Variants in KAZN observed in about 807,000 individuals in gnomAD.
KAZN encodes kazrin, periplakin interacting protein.
Under a neutral mutation model 87.4 loss-of-function variants are expected in KAZN, and 40 were observed. That is an observed-to-expected ratio of 0.46 (90% CI 0.36 to 0.60). The LOEUF (loss-of-function observed/expected upper bound fraction) is 0.60, where lower values mean the gene tolerates loss of function less well. KAZN is among the 20% of genes least tolerant of loss of function. KAZN has a pLI of 0.00. For synonymous variants in KAZN, 466 were observed against 458.3 expected (o/e 1.02, Z -0.22); for missense variants, 898 against 1,073.9 (o/e 0.84, Z 2.29).
intron 1 of KAZN, among the ~76,000 whole-genome samples, chr1:14,767,642 C>T (rs1399006975): frequency 2.6e-5 from 4 of 152,192 alleles, no homozygotes; most frequent in Non-Finnish European, 4.4e-5. Context: ...AGAGTTTCTT[C>T]GAGCAGCCAG....
intron 1 of KAZN, among the ~76,000 whole-genome samples, chr1:14,863,334 C>T (rs1340673055): frequency 8.5e-5 from 13 of 152,178 alleles, no homozygotes; most frequent in Non-Finnish European, 2.9e-5. Flanking sequence ...CAGACCCCAT[C>T]GGGGCAGCAG....
At chr1:15,105,248 C>T (rs138727593) in intron 13 of KAZN, among the ~76,000 whole-genome samples, 1 of 152,138 alleles carries the variant, frequency 6.6e-6, no homozygotes, top group South Asian at 2.1e-4. Flanking sequence ...GTTTGTTATT[C>T]TTTAGACATT....
intron 2 of KAZN, among the ~76,000 whole-genome samples, chr1:14,568,090 G>C (rs948070933): frequency 1.3e-5 from 2 of 152,238 alleles, no homozygotes; most frequent in African/African-American, 4.8e-5. Context: ...GGGGATTACT[G>C]TGGGTGGGCC....
intron 1 of KAZN, among the ~76,000 whole-genome samples, chr1:14,094,134 G>A (rs973021900): frequency 1.3e-5 from 2 of 152,152 alleles, no homozygotes; most frequent in Non-Finnish European, 2.9e-5. Context: ...TAGCTTTTAT[G>A]GCTTGCCTTG....
chr1:14,605,058 C>T (rs576140987), intron 1 of KAZN, among the ~76,000 whole-genome samples: 5 of 152,324 alleles, frequency 3.3e-5, no homozygotes, highest in Non-Finnish European at 7.4e-5. Context: ...CAGAGCGCCC[C>T]TTTTAAAGAA....
At chr1:14,417,866 G>A (rs914720245) in intron 2 of KAZN, among the ~76,000 whole-genome samples, 2 of 151,296 alleles carry the variant, frequency 1.3e-5, no homozygotes, top group African/African-American at 2.4e-5. Context: ...CGTGGTGGCA[G>A]GCGCCTGTAG....
chr1:14,143,932 G>A (rs1280255008), intron 1 of KAZN, among the ~76,000 whole-genome samples: 2 of 152,024 alleles, frequency 1.3e-5, no homozygotes, highest in African/African-American at 2.4e-5. Context: ...TGGCCAGGCT[G>A]GTATCAAACT....
At chr1:14,641,501 C>T (rs184995450) in intron 1 of KAZN, among the ~76,000 whole-genome samples, 36 of 152,320 alleles carry the variant, frequency 2.4e-4, no homozygotes, top group East Asian at 2.3e-3. Flanking sequence ...CGATGACTTC[C>T]GTCTCCCCAC....
intron 1 of KAZN, among the ~76,000 whole-genome samples, chr1:14,762,649 C>T (rs746743086): frequency 4.0e-5 from 6 of 151,832 alleles, no homozygotes; most frequent in South Asian, 2.1e-4. Context: ...GGCGTGAACC[C>T]GGGAGGCGGA....
chr1:14,550,731 CT>C (rs1673453101), intron 2 of KAZN, among the ~76,000 whole-genome samples: 32 of 85,798 alleles, frequency 3.7e-4, no homozygotes, highest in African/African-American at 9.0e-4. Flanking sequence ...CTCTCTCTCT[CT>C]CTCTCTCCCC....
intron 1 of KAZN, among the ~76,000 whole-genome samples, chr1:14,884,498 A>G (rs1185724172): frequency 6.6e-6 from 1 of 152,234 alleles, no homozygotes. Flanking sequence ...TAACAGAAGC[A>G]TAGGTTGTGT....
At chr1:14,341,484 T>C (rs1188864423) in intron 2 of KAZN, among the ~76,000 whole-genome samples, 3 of 152,240 alleles carry the variant, frequency 2.0e-5, no homozygotes, top group African/African-American at 7.2e-5. Context: ...ACTGTCCTTG[T>C]GTCCCACTTG....
rs928054272 is a variant in KAZN, at chr1:14,135,216, C to T, written c.92-45219C>T. On this transcript the variant is annotated intron_variant, in intron 1 of 16. Transcript: ENST00000636203. Reference sequence around the variant, plus strand: ...CTCATCTCTGCTTCCTTCACAGCACCCTGTGAGGAGGCCTTGCCCACATCA... The same window carrying T: ...CTCATCTCTGCTTCCTTCACAGCACTCTGTGAGGAGGCCTTGCCCACATCA... Among the ~76,000 whole-genome samples the T allele has an allele frequency of 2.8e-4, 42 of 152,308 alleles. 1 individual carries two copies. The South Asian group carries it at 3.7e-3, about 14-fold the overall frequency.
chr1:14,142,338 A>G (rs1338004448), intron 1 of KAZN, among the ~76,000 whole-genome samples: 1 of 152,184 alleles, frequency 6.6e-6, no homozygotes, highest in Non-Finnish European at 1.5e-5. Flanking sequence ...ACAGTCTAAA[A>G]ATGTCTTAGC....
At chr1:14,578,090 A>G (rs1243325869) in intron 2 of KAZN, among the ~76,000 whole-genome samples, 1 of 152,118 alleles carries the variant, frequency 6.6e-6, no homozygotes, top group Non-Finnish European at 1.5e-5. Flanking sequence ...ATATTCAATG[A>G]GCTCCTTCGG....
chr1:15,037,076 C>G (rs891183022), intron 3 of KAZN, among the ~76,000 whole-genome samples: 1 of 151,990 alleles, frequency 6.6e-6, no homozygotes, highest in Non-Finnish European at 1.5e-5. Context: ...ATCTTCTGGT[C>G]GCCTCTGCTC....
intron 2 of KAZN, among the ~76,000 whole-genome samples, chr1:14,387,945 G>A (rs1382895835): frequency 1.3e-5 from 2 of 152,174 alleles, no homozygotes; most frequent in Non-Finnish European, 2.9e-5. Context: ...ATCTCAGACT[G>A]CTGTGCTAGC....
At chr1:14,167,227 ATG>A (rs1645847981) in intron 1 of KAZN, among the ~76,000 whole-genome samples, 1 of 152,206 alleles carries the variant, frequency 6.6e-6, no homozygotes. Context: ...TTGTTTGAAA[ATG>A]TGCATTTTAT....
At chr1:14,055,334 C>G (rs558009481) in intron 1 of KAZN, among the ~76,000 whole-genome samples, 1 of 152,282 alleles carries the variant, frequency 6.6e-6, no homozygotes, top group African/African-American at 2.4e-5. Context: ...ATCATTGTTG[C>G]AGGGAAGGGC....
Sources: gnomAD v4.1 joint callset for allele counts (sites outside exome capture counted in the v4.1 genomes callset) on GRCh38, gnomAD v4.1.1 for gene constraint, MANE v1.5 for transcripts, NCBI Gene and HGNC (gene_info 2026-07-23, HGNC 2026-07-21) for gene names.